CTNNA3: variants seen among roughly 807,000 people sequenced by gnomAD.
CTNNA3 encodes the protein catenin alpha-3.
In CTNNA3, 76 loss-of-function variants were observed where a neutral mutation model predicts 95.7. The ratio of observed to expected loss-of-function variants is 0.79; its 90% CI spans 0.66 to 0.96. The LOEUF is 0.96. Ranked by LOEUF, CTNNA3 falls within the 40% of genes least tolerant of loss-of-function variation. The probability of loss-of-function intolerance (pLI) is 0.00; values close to 1 mark genes in which losing one functional copy is unlikely to be tolerated. For missense variants in CTNNA3, 1,191 were observed against 1,089.8 expected (o/e 1.09, Z -1.31); for synonymous variants, 431 against 374.4 (o/e 1.15, Z -1.74).
intron 7 of CTNNA3, among the ~76,000 whole-genome samples, chr10:66,854,761 T>C (rs1843626457): frequency 6.6e-6 from 1 of 150,884 alleles, no homozygotes; most frequent in African/African-American, 2.4e-5. Context: ...TTTTTGTCCA[T>C]AGGCTTGGAT....
rs777864886 is a variant in CTNNA3, at chr10:66,927,147, G to T, written c.1048-151623C>A. On this transcript the variant is annotated intron_variant, in intron 7 of 17. Coordinates refer to ENST00000433211, the MANE Select transcript of CTNNA3 (RefSeq NM_013266.4). The surrounding 1 kb of genome is among the most constrained non-coding windows in gnomAD (Gnocchi z 4.7). ...GCTATAACAGCCTTCAAAAACTTAAGTATAATCAATTTAAAGGGCTCAACC... is the reference window on the plus strand; with the variant it reads ...GCTATAACAGCCTTCAAAAACTTAATTATAATCAATTTAAAGGGCTCAACC... 6.2e-7 allele frequency: 1 copy of T among 1,613,936 alleles called. No homozygotes were observed. The highest frequency in any genetic ancestry group is 1.3e-5 in the African/African-American group (1 of 74,866).
At chr10:67,193,868 T>G (rs2132183406) in intron 6 of CTNNA3, among the ~76,000 whole-genome samples, 1 of 150,326 alleles carries the variant, frequency 6.7e-6, no homozygotes, top group Admixed American at 6.6e-5. Context: ...TTCTGTTTTT[T>G]AGGTATTGAG....
chr10:66,401,518 AACACACACACACACACACACACACAC>A (rs140986771), intron 11 of CTNNA3, among the ~76,000 whole-genome samples: 2 of 143,912 alleles, frequency 1.4e-5, no homozygotes, highest in African/African-American at 5.1e-5. Context: ...TGTGTCTCAA[AACACACACACACACACACACACACAC>A]ACACACACAC....
intron 13 of CTNNA3, among the ~76,000 whole-genome samples, chr10:66,235,940 C>T (rs571600631): frequency 2.0e-5 from 3 of 152,236 alleles, no homozygotes; most frequent in African/African-American, 4.8e-5. Context: ...TTTTTTCTCA[C>T]GTCTATTTTC....
chr10:66,401,658 CTTT>C (rs540003137), intron 11 of CTNNA3, among the ~76,000 whole-genome samples: 1 of 116,300 alleles, frequency 8.6e-6, no homozygotes. Flanking sequence ...CCATTTCTTT[CTTT>C]TTTTTTTTTT....
intron 2 of CTNNA3, among the ~76,000 whole-genome samples, chr10:67,644,588 T>C (rs188897533): frequency 5.9e-5 from 9 of 152,122 alleles, no homozygotes; most frequent in African/African-American, 1.9e-4. Context: ...AGGCTGAACA[T>C]CAAATCCAGA....
chr10:66,084,061 G>T (rs998409798), intron 14 of CTNNA3, among the ~76,000 whole-genome samples: 5 of 148,176 alleles, frequency 3.4e-5, no homozygotes, highest in African/African-American at 1.2e-4. Flanking sequence ...CTTGAACCCA[G>T]TAGGCAGAGG....
intron 5 of CTNNA3, among the ~76,000 whole-genome samples, chr10:67,518,565 T>A (rs1485834626): frequency 1.3e-5 from 2 of 152,120 alleles, no homozygotes; most frequent in Non-Finnish European, 2.9e-5. Context: ...AATGTTCAAC[T>A]CAATAATGTC....
At chr10:66,652,039 T>C (rs892718996) in intron 9 of CTNNA3, among the ~76,000 whole-genome samples, 12 of 133,782 alleles carry the variant, frequency 9.0e-5, no homozygotes, top group African/African-American at 1.9e-4. Flanking sequence ...TTTATAGCAA[T>C]AGACACCCAT....
At chr10:66,765,240 C>G (rs1259021444) in intron 9 of CTNNA3, among the ~76,000 whole-genome samples, 2 of 152,162 alleles carry the variant, frequency 1.3e-5, no homozygotes, top group Non-Finnish European at 2.9e-5. Flanking sequence ...TAGGAAAGTT[C>G]TCTTTTTCAG....
rs149077216 is a variant in CTNNA3 at position 67,253,548 on chromosome 10, T to TTC, written c.580-33680_580-33679dup. The stretch of plus-strand genomic sequence containing the variant: ...GGAGATGAGCGAGATGATTTAAATG[T>TTC]TCTCTCTCTCTCTTTCCCTCTCCTA... On this transcript the variant is annotated intron_variant, in intron 5 of 17. Coordinates refer to ENST00000433211, the MANE Select transcript of CTNNA3 (RefSeq NM_013266.4). Among the ~76,000 whole-genome samples the TTC allele has an allele frequency of 7.1e-3, 1,074 of 152,094 alleles. 5 individuals are homozygous for TTC. The highest frequency in any genetic ancestry group is 0.024 in the Middle Eastern group (7 of 292).
chr10:66,060,324 A>G (rs2133567904), intron 15 of CTNNA3, among the ~76,000 whole-genome samples: 1 of 152,228 alleles, frequency 6.6e-6, no homozygotes, highest in East Asian at 1.9e-4. Flanking sequence ...TCATAAAGAG[A>G]AAACTTTCAC....
intron 5 of CTNNA3, among the ~76,000 whole-genome samples, chr10:67,275,618 A>G (rs1056724464): frequency 1.1e-4 from 16 of 152,202 alleles, no homozygotes; most frequent in African/African-American, 2.9e-4. Context: ...AAATGGAAAA[A>G]ATCAAGATTA....
At chr10:67,626,913 G>A (rs1468674843) in intron 2 of CTNNA3, among the ~76,000 whole-genome samples, 3 of 151,792 alleles carry the variant, frequency 2.0e-5, no homozygotes, top group African/African-American at 7.3e-5. Context: ...ATAAATCTTT[G>A]GTAAATAAAG....
At chr10:66,346,238 TATATATATAGAGAGAGAGAG>T (rs71035123) in intron 12 of CTNNA3, among the ~76,000 whole-genome samples, 1,893 of 15,626 alleles carry the variant, frequency 0.12, 14 homozygotes, top group East Asian at 0.23. Context: ...TATATATATA[TATATATATAGAGAGAGAGAG>T]AGAGAGAGAG....
chr10:67,553,905 C>T (rs183982327), intron 3 of CTNNA3, among the ~76,000 whole-genome samples: 19 of 152,234 alleles, frequency 1.2e-4, no homozygotes, highest in African/African-American at 4.3e-4. Flanking sequence ...GCTATCCCTC[C>T]CCGTTCCCCC....
Position 66,927,342 on chromosome 10 carries a change from T to A in CTNNA3, c.1048-151818A>T. ...ATTTACGGAACTTGGATCTGTCCTA[T>A]AATCAGCTGCATTCTCTGGGATCTG... On this transcript the variant is annotated intron_variant, in intron 7 of 17. Transcript: ENST00000433211. The surrounding 1 kb of genome is among the most constrained non-coding windows in gnomAD (Gnocchi z 4.7). The A allele has an allele frequency of 1.2e-6, 2 of 1,614,208 alleles. No individual in the cohort carries two copies. The highest frequency in any genetic ancestry group is 1.7e-6 in the Non-Finnish European group (2 of 1,180,024).
At chr10:66,321,892 C>A (rs1364548517) in intron 12 of CTNNA3, among the ~76,000 whole-genome samples, 1 of 152,080 alleles carries the variant, frequency 6.6e-6, no homozygotes, top group Non-Finnish European at 1.5e-5. Context: ...GCACTCTCAT[C>A]TACAATTAAA....
chr10:65,937,197 C>T (rs2077354183), intron 17 of CTNNA3, among the ~76,000 whole-genome samples: 1 of 152,158 alleles, frequency 6.6e-6, no homozygotes, highest in South Asian at 2.1e-4. Context: ...GTCCTTTTTA[C>T]ATGAACCATT....
Sources: allele counts gnomAD v4.1 joint callset (sites outside exome capture counted in the v4.1 genomes callset), GRCh38; gene constraint gnomAD v4.1.1; non-coding constraint Gnocchi (gnomAD v3.1); transcripts MANE v1.5; gene names NCBI Gene and HGNC (gene_info 2026-07-23, HGNC 2026-07-21).